Variants in RACK1 observed in about 807,000 individuals in gnomAD.
RACK1 encodes the protein receptor for activated C kinase 1, also known as small ribosomal subunit protein RACK1.
A neutral mutation model predicts 42.2 loss-of-function variants in RACK1; 3 were observed. The observed-to-expected ratio is 0.07, with a 90% confidence interval of 0.03 to 0.18. The LOEUF (loss-of-function observed/expected upper bound fraction) is 0.18. Among genes scored for constraint, RACK1 ranks in the 10% least tolerant of loss-of-function variants. RACK1 has a pLI of 1.00. For missense variants in RACK1, 146 were observed against 403.2 expected (o/e 0.36, Z 5.46); for synonymous variants, 181 against 154.8 (o/e 1.17, Z -1.25).
chr5:181,241,125 A>G (rs1481922309), intron 3 of RACK1: 5 of 77,720 alleles, frequency 6.4e-5, no homozygotes, highest in Non-Finnish European at 9.5e-5. Context: ...TGTCTCCGAG[A>G]AAAAAAAAAA....
chr5:181,243,542 GC>G (rs1229812648), intron 1 of RACK1, 149 bp downstream of exon 1: 3 of 1,390,214 alleles, frequency 2.2e-6, no homozygotes, highest in Admixed American at 4.5e-5. Flanking sequence ...GGGTCCGCAC[GC>G]CCCAATTCAC....
In RACK1 at chr5:181,243,017, G is replaced by T. The variant is rs79126989; in HGVS notation, c.110-672C>A. The stretch of plus-strand genomic sequence containing the variant: ...CCTCCTATGCCTACCTCTGAGGGCC[G>T]ACAGAAATGTAGTAATGAATGCTGG... On this transcript the variant is annotated intron_variant, in intron 1 of 7. Coordinates refer to ENST00000512805, the MANE Select transcript of RACK1 (RefSeq NM_006098.5). 2.1e-3 allele frequency: 713 copies of T among 347,566 alleles called. 5 individuals are homozygous for T. The highest frequency in any genetic ancestry group is 0.014 in the African/African-American group (664 of 46,482). The allele number at this position is 347,566 out of a possible 1,614,324, so 21.5% of individuals were successfully genotyped here.
At chr5:181,238,752 T>A in intron 5 of RACK1, 1 of 378,826 alleles carries the variant, frequency 2.6e-6, no homozygotes, top group South Asian at 2.1e-5. Flanking sequence ...TGAGCCGAGA[T>A]CGCGCCACTG....
chr5:181,242,060 G>A (rs1318690708), intron 2 of RACK1, 114 bp downstream of exon 2: 2 of 946,178 alleles, frequency 2.1e-6, no homozygotes, highest in Admixed American at 1.8e-5. Flanking sequence ...GGTGTGCTCT[G>A]CTTTCCAGTT....
In RACK1 at chr5:181,238,392, G is replaced by A. The variant is rs1368924661; in HGVS notation, c.637-153C>T. 1.8e-5 allele frequency: 13 copies of A among 723,176 alleles called. No homozygotes were observed. In the East Asian group the frequency reaches 3.2e-4, roughly 18 times the overall value. The allele number at this position is 723,176 out of a possible 1,614,324, so 44.8% of individuals were successfully genotyped here. A position where few individuals can be genotyped will look rare whatever the true frequency, so the allele number is the denominator to read the frequency against. ...GACTCAAGTACCAATATTTATCTCT[G>A]TATACCTTTCCTTTAACGTAAGACC... On this transcript the variant is annotated intron_variant, in intron 5 of 7. Transcript: ENST00000512805.
rs752963603 is a variant in RACK1, at chr5:181,243,708, G to A, written c.93C>T (p.Ile31=). 10 of 1,606,626 alleles carry A rather than the reference G, an allele frequency of 6.2e-6. No homozygotes were observed. In the African/African-American group the frequency reaches 9.4e-5, roughly 15 times the overall value. ...AGTCCGTACCTCGAGAGGCGGAGAG[G>A]ATCATGTCCGGGAACTGCGGGGTAG... is the stretch of plus-strand genomic sequence containing the variant. ...IATTPQFPDM[I]LSASRDKTII... Residue 31 remains isoleucine (I), a synonymous_variant, in exon 1 of 8, where the codon ATC becomes ATT. Transcript: ENST00000512805.
intron 1 of RACK1, chr5:181,243,230 G>A (rs78628339): frequency 5.3e-6 from 7 of 1,319,044 alleles, no homozygotes; most frequent in Non-Finnish European, 7.0e-6. Context: ...GGGAGAACCA[G>A]GGGCAGAAAA....
At chr5:181,238,394 A>G in intron 5 of RACK1, 155 bp from the exon 6 acceptor site, 1 of 714,844 alleles carries the variant, frequency 1.4e-6, no homozygotes, top group Non-Finnish European at 2.3e-6. Flanking sequence ...TTATCTCTGT[A>G]TACCTTTCCT....
chr5:181,238,279 T>A (rs1759212237), intron 5 of RACK1, 40 bp from the exon 6 acceptor site: 1 of 1,602,414 alleles, frequency 6.2e-7, no homozygotes, highest in African/African-American at 1.3e-5. Flanking sequence ...TGTGACCTCT[T>A]CCAGATGTTA....
chr5:181,238,376 A>G (rs1759215160), intron 5 of RACK1, 137 bp from the exon 6 acceptor site: 1 of 837,482 alleles, frequency 1.2e-6, no homozygotes, highest in East Asian at 2.6e-5. Context: ...TGACTCAAGT[A>G]CCAATATTTA....
chr5:181,243,091 T>A, intron 1 of RACK1: 1 of 403,902 alleles, frequency 2.5e-6, no homozygotes, highest in South Asian at 2.0e-5. Flanking sequence ...CTGAAACCTG[T>A]CCCACTCAAC....
At chr5:181,239,417 G>T in intron 4 of RACK1, 70 bp downstream of exon 4, 1 of 1,081,672 alleles carries the variant, frequency 9.2e-7, no homozygotes, top group South Asian at 1.2e-5. Flanking sequence ...CTTTCCACAG[G>T]ACTTGGAGTG....
chr5:181,243,903 A>C lies in RACK1; in HGVS notation c.-103T>G. On this transcript the variant is annotated 5_prime_UTR_variant, in exon 1 of 8. Transcript: ENST00000512805. ...TCCTGCCGCCGCCTTGCAGTGAAAG[A>C]GAGAGAGAAAAGCCCCCCGCCGGAA... 6.9e-7 allele frequency: 1 copy of C among 1,449,814 alleles called. No homozygotes were observed. Among genetic ancestry groups the C allele is most frequent in the South Asian group, 1.4e-5 (1 of 69,852 alleles). The allele number at this position is 1,449,814 out of a possible 1,614,324, so 89.8% of individuals were successfully genotyped here. A position where few individuals can be genotyped will look rare whatever the true frequency, so the allele number is the denominator to read the frequency against.
intron 4 of RACK1, 110 bp downstream of exon 4, chr5:181,239,377 A>G (rs1759259161): frequency 1.2e-6 from 1 of 828,050 alleles, no homozygotes; most frequent in African/African-American, 1.7e-5. Flanking sequence ...ATGTGACAAG[A>G]GAAAGAGTCA....
chr5:181,241,425 C>CAAAAAAAAA (rs1436389670), intron 3 of RACK1, 67 bp downstream of exon 3: 1 of 1,059,524 alleles, frequency 9.4e-7, no homozygotes, highest in African/African-American at 3.4e-5. Flanking sequence ...GAGACTGTCG[C>CAAAAAAAAA]CAAAAAAAAA....
chr5:181,239,432 A>AC lies in RACK1; in HGVS notation c.525+54dup, dbSNP rs202217694. The AC allele has an allele frequency of 1.4e-3, 1,791 of 1,274,578 alleles. 19 individuals carry two copies. The African/African-American group carries it at 0.021, about 15-fold the overall frequency. The allele number at this position is 1,274,578 out of a possible 1,614,324, so 79.0% of individuals were successfully genotyped here. A position where few individuals can be genotyped will look rare whatever the true frequency, so the allele number is the denominator to read the frequency against. On this transcript the variant is annotated intron_variant, in intron 4 of 7. Coordinates refer to ENST00000512805, the MANE Select transcript of RACK1 (RefSeq NM_006098.5). ...CTTTCCACAGGACTTGGAGTGTATG[A>AC]CCACCTGGGAGCACACCCTGACTGG...
chr5:181,238,816 CAAACAAACAAAA>C (rs1287245798), intron 5 of RACK1: 3 of 454,464 alleles, frequency 6.6e-6, no homozygotes, highest in African/African-American at 5.2e-5. Context: ...AAACAAAAAA[CAAACAAACAAAA>C]AAACAACAAA....
At chr5:181,243,211 A>C in intron 1 of RACK1, 1 of 1,224,260 alleles carries the variant, frequency 8.2e-7, no homozygotes, top group South Asian at 1.2e-5. Flanking sequence ...GAACACAGGG[A>C]TAGGGACGGG....
In RACK1 at chr5:181,238,080, A is replaced by G. The variant is rs1582293008; in HGVS notation, c.777+19T>C. The G allele has an allele frequency of 6.2e-7, 1 of 1,613,572 alleles. No homozygotes were observed. The highest frequency in any genetic ancestry group is 2.2e-5 in the East Asian group (1 of 44,870). On this transcript the variant is annotated intron_variant, in intron 6 of 7. Coordinates refer to ENST00000512805, the MANE Select transcript of RACK1 (RefSeq NM_006098.5). ...TCAGAGTGCAGCCAGGTACCCAGTC[A>G]ATTGTAACCCACACTCACCCAGATC...
Sources: allele counts gnomAD v4.1 joint callset, GRCh38; gene constraint gnomAD v4.1.1; transcripts MANE v1.5; gene names NCBI Gene and HGNC (gene_info 2026-07-23, HGNC 2026-07-21).